Variants in MAF observed in about 807,000 individuals in gnomAD.
MAF encodes the protein MAF bZIP transcription factor.
Under a neutral mutation model 22.0 loss-of-function variants are expected in MAF, and 10 were observed. That is an observed-to-expected ratio of 0.45 (90% CI 0.28 to 0.77). The LOEUF is 0.77. Among genes scored for constraint, MAF ranks in the 30% least tolerant of loss-of-function variants. MAF has a pLI of 0.12. For missense variants in MAF, 544 were observed against 548.4 expected (o/e 0.99, Z 0.08); for synonymous variants, 337 against 255.8 (o/e 1.32, Z -3.03).
the MAF span, among the ~76,000 whole-genome samples, chr16:79,422,908 A>C: frequency 6.6e-6 from 1 of 152,164 alleles, no homozygotes; most frequent in Non-Finnish European, 1.5e-5. Context: ...CTACTCAGTT[A>C]AGCAAATAAG....
chr16:79,206,057 G>C, the MAF span: 1 of 152,110 alleles, frequency 6.6e-6, no homozygotes, highest in Non-Finnish European at 1.5e-5. Context: ...TCATCGAAGG[G>C]GGTGCTGAGT....
At chr16:79,223,239 C>A in the MAF span, among the ~76,000 whole-genome samples, 11 of 152,156 alleles carry the variant, frequency 7.2e-5, no homozygotes, top group East Asian at 1.3e-3. Context: ...CTACATGGAA[C>A]CTGAACAACC....
At chr16:79,560,097 G>C in the MAF span, among the ~76,000 whole-genome samples, 8 of 152,172 alleles carry the variant, frequency 5.3e-5, no homozygotes, top group African/African-American at 1.9e-4. Context: ...TTTTTGTAGA[G>C]ATGGGGTCTT....
the MAF span, among the ~76,000 whole-genome samples, chr16:79,426,842 C>T: frequency 6.6e-6 from 1 of 152,180 alleles, no homozygotes; most frequent in Admixed American, 6.5e-5. Context: ...GTGCTGGGGC[C>T]AACACATAGG....
chr16:79,477,412 C>G, the MAF span, among the ~76,000 whole-genome samples: 53,809 of 151,738 alleles, frequency 0.35, 11,175 homozygotes, highest in Non-Finnish European at 0.46. Flanking sequence ...GAAGGCCAGC[C>G]TCCACGAGCC....
the MAF span, among the ~76,000 whole-genome samples, chr16:79,331,568 C>G: frequency 1.3e-5 from 2 of 152,332 alleles, no homozygotes; most frequent in Non-Finnish European, 2.9e-5. Flanking sequence ...ACACGAGCCA[C>G]CCGCATCTCT....
At chr16:79,271,903 C>T in the MAF span, among the ~76,000 whole-genome samples, 1 of 152,220 alleles carries the variant, frequency 6.6e-6, no homozygotes, top group Admixed American at 6.5e-5. Flanking sequence ...TCTCCCTGAC[C>T]CCTCTGCCTC....
chr16:79,540,449 G>C, the MAF span, among the ~76,000 whole-genome samples: 1 of 152,154 alleles, frequency 6.6e-6, no homozygotes, highest in Non-Finnish European at 1.5e-5. Flanking sequence ...TTACTCTGAA[G>C]ACAAGGGCAT....
the MAF span, among the ~76,000 whole-genome samples, chr16:79,571,760 A>C: frequency 9.2e-5 from 14 of 152,158 alleles, no homozygotes; most frequent in African/African-American, 3.4e-4. Flanking sequence ...AACCCAGTCA[A>C]ATCTAGATTC....
downstream of MAF, among the ~76,000 whole-genome samples, chr16:79,583,639 C>T (rs527871836): frequency 6.6e-6 from 1 of 152,356 alleles, no homozygotes; most frequent in African/African-American, 2.4e-5. Context: ...GCATAACATG[C>T]AAGAACATGT....
the MAF span, among the ~76,000 whole-genome samples, chr16:79,467,491 A>C: frequency 4.6e-5 from 7 of 152,342 alleles, no homozygotes; most frequent in South Asian, 1.4e-3. Flanking sequence ...AAACTGAGGC[A>C]TAGAGAAATC....
chr16:79,365,490 CT>C, the MAF span, among the ~76,000 whole-genome samples: 3 of 152,116 alleles, frequency 2.0e-5, no homozygotes, highest in Non-Finnish European at 4.4e-5. Flanking sequence ...AAAGGAGTGA[CT>C]GATTGGTGGA....
At chr16:79,326,057 C>A in the MAF span, among the ~76,000 whole-genome samples, 2 of 152,212 alleles carry the variant, frequency 1.3e-5, no homozygotes, top group Non-Finnish European at 2.9e-5. Flanking sequence ...TGTTGTGCCA[C>A]CTTTGGCAAC....
chr16:79,211,927 C>G, the MAF span: 2 of 1,539,394 alleles, frequency 1.3e-6, no homozygotes, highest in Non-Finnish European at 1.7e-6. Flanking sequence ...AGAGCAGTCA[C>G]AACAGAGTGA....
the MAF span, among the ~76,000 whole-genome samples, chr16:79,561,765 T>A: frequency 1.1e-3 from 164 of 152,266 alleles, no homozygotes; most frequent in African/African-American, 3.8e-3. Flanking sequence ...TCCACACACT[T>A]CCGAATGAAA....
chr16:79,327,691 G>T, the MAF span, among the ~76,000 whole-genome samples: 3 of 152,082 alleles, frequency 2.0e-5, no homozygotes, highest in Non-Finnish European at 4.4e-5. Context: ...TCATAATGTT[G>T]CTTGACAAGC....
the MAF span, among the ~76,000 whole-genome samples, chr16:79,495,037 G>A: frequency 0.032 from 4,861 of 152,204 alleles, 262 homozygotes; most frequent in African/African-American, 0.11. Flanking sequence ...CTCTCCAGGC[G>A]TGTCACCCCC....
chr16:79,222,788 A>G, the MAF span, among the ~76,000 whole-genome samples: 1 of 152,218 alleles, frequency 6.6e-6, no homozygotes, highest in African/African-American at 2.4e-5. Flanking sequence ...GCATTACATA[A>G]TGGTAAAGGG....
chr16:79,448,412 G>GT, the MAF span, among the ~76,000 whole-genome samples: 1 of 146,008 alleles, frequency 6.8e-6, no homozygotes, highest in Admixed American at 6.9e-5. Context: ...AAGCATTTTT[G>GT]TTTTGTTTTA....
Sources: allele counts gnomAD v4.1 joint callset (sites outside exome capture counted in the v4.1 genomes callset), GRCh38; gene constraint gnomAD v4.1.1; transcripts MANE v1.5; gene names NCBI Gene and HGNC (gene_info 2026-07-23, HGNC 2026-07-21).